REC114: variants seen among roughly 807,000 people sequenced by gnomAD.
REC114 encodes the protein meiotic recombination protein REC114.
REC114 carries 27 observed loss-of-function variants against 31.3 expected under a neutral mutation model. The ratio of observed to expected loss-of-function variants is 0.86; its 90% CI spans 0.64 to 1.19. The LOEUF (loss-of-function observed/expected upper bound fraction) is 1.19. Ranked by LOEUF, REC114 falls within the 50% of genes most tolerant of loss-of-function variation. The pLI, the probability that REC114 is intolerant of heterozygous loss-of-function variation, is 0.00. For synonymous variants in REC114, 134 were observed against 127.7 expected (o/e 1.05, Z -0.33); for missense variants, 344 against 326.9 (o/e 1.05, Z -0.40).
rs16957915 is a variant in REC114 at position 73,455,720 on chromosome 15, T to C, written c.159+12376T>C. On this transcript the variant is annotated intron_variant, in intron 1 of 5. Transcript: ENST00000331090. Reference sequence around the variant, plus strand: ...AGACACTGTCTAGAGATAAACACAATTCGGAAGCAAATAAACTTTGTAAAA... The same window carrying C: ...AGACACTGTCTAGAGATAAACACAACTCGGAAGCAAATAAACTTTGTAAAA... 9.0e-3 allele frequency among the ~76,000 whole-genome samples: 1,374 copies of C among 152,268 alleles called. 21 individuals carry two copies. The highest frequency in any genetic ancestry group is 0.031 in the African/African-American group (1,295 of 41,566).
chr15:73,555,712 T>C (rs565853640), intron 4 of REC114, among the ~76,000 whole-genome samples: 41 of 152,312 alleles, frequency 2.7e-4, no homozygotes, highest in African/African-American at 7.9e-4. Flanking sequence ...GTAGGAGGTA[T>C]AAACAGTTGT....
chr15:73,464,720 T>C (rs1893034326), intron 1 of REC114, among the ~76,000 whole-genome samples: 1 of 152,182 alleles, frequency 6.6e-6, no homozygotes, highest in Non-Finnish European at 1.5e-5. Context: ...GGTCCACCAA[T>C]TTCTAGGGAC....
At chr15:73,498,226 T>C (rs1170947497) in intron 2 of REC114, among the ~76,000 whole-genome samples, 1 of 152,028 alleles carries the variant, frequency 6.6e-6, no homozygotes, top group Non-Finnish European at 1.5e-5. Flanking sequence ...TGTACAGAAG[T>C]CCTTGATGTG....
At chr15:73,527,642 T>C (rs570462534) in intron 2 of REC114, among the ~76,000 whole-genome samples, 1 of 152,326 alleles carries the variant, frequency 6.6e-6, no homozygotes, top group Middle Eastern at 3.4e-3. Context: ...TTGTTTATAA[T>C]AGGAGTATAA....
At chr15:73,536,218 C>G (rs1360128931) in intron 2 of REC114, among the ~76,000 whole-genome samples, 1 of 152,176 alleles carries the variant, frequency 6.6e-6, no homozygotes, top group East Asian at 1.9e-4. Flanking sequence ...TTTCCTGTCC[C>G]ACCCAGTACT....
rs375901358 is a variant in REC114 at position 73,559,923 on chromosome 15, A to G, written c.*7A>G. 37 of 1,585,226 alleles carry G rather than the reference A, an allele frequency of 2.3e-5. No homozygotes were observed. In the African/African-American group the frequency reaches 4.0e-4, roughly 17 times the overall value. On this transcript the variant is annotated 3_prime_UTR_variant, in exon 6 of 6. Transcript: ENST00000331090. ...GGCGGGTTTGAGAAATTAATGCTCTATATACATATATAACTAAGGAACTTC... is the reference window on the plus strand; with the variant it reads ...GGCGGGTTTGAGAAATTAATGCTCTGTATACATATATAACTAAGGAACTTC...
At chr15:73,482,142 C>G (rs1893303652) in intron 2 of REC114, among the ~76,000 whole-genome samples, 1 of 152,120 alleles carries the variant, frequency 6.6e-6, no homozygotes, top group Admixed American at 6.5e-5. Flanking sequence ...CTTTCAGTTT[C>G]TATGAATTTG....
At chr15:73,517,960 T>G (rs993660609) in intron 2 of REC114, among the ~76,000 whole-genome samples, 9 of 152,038 alleles carry the variant, frequency 5.9e-5, no homozygotes, top group Non-Finnish European at 8.8e-5. Context: ...TAGGAAAGGG[T>G]GTGATCATAA....
At chr15:73,492,027 G>A (rs967536018) in intron 2 of REC114, among the ~76,000 whole-genome samples, 1 of 152,250 alleles carries the variant, frequency 6.6e-6, no homozygotes. Flanking sequence ...TCTTGTGTGT[G>A]TGCAGTGGCA....
intron 1 of REC114, 106 bp downstream of exon 1, chr15:73,443,450 C>A: frequency 7.7e-7 from 1 of 1,304,646 alleles, no homozygotes; most frequent in Non-Finnish European, 1.0e-6. Context: ...CGAGGGGACA[C>A]CGAGTGACTG....
At chr15:73,551,662 G>A (rs1418290285) in intron 4 of REC114, among the ~76,000 whole-genome samples, 2 of 152,136 alleles carry the variant, frequency 1.3e-5, no homozygotes, top group South Asian at 2.1e-4. Flanking sequence ...TCAAGGGAAC[G>A]CACCTGTGTG....
At chr15:73,478,282 A>G (rs1295044682) in intron 2 of REC114, among the ~76,000 whole-genome samples, 1 of 151,642 alleles carries the variant, frequency 6.6e-6, no homozygotes, top group Admixed American at 6.6e-5. Flanking sequence ...AAAAAAAAAA[A>G]AAAAAGAATT....
chr15:73,543,555 C>T, intron 3 of REC114, among the ~76,000 whole-genome samples: 1 of 152,118 alleles, frequency 6.6e-6, no homozygotes. Flanking sequence ...TCTCAAACTC[C>T]CGACCTCAGG....
chr15:73,542,888 T>C (rs1326139345), intron 3 of REC114, among the ~76,000 whole-genome samples: 1 of 152,114 alleles, frequency 6.6e-6, no homozygotes, highest in Non-Finnish European at 1.5e-5. Flanking sequence ...AAAAATGTTC[T>C]GATTTTCATA....
chr15:73,448,094 T>A (rs1892792265), intron 1 of REC114, among the ~76,000 whole-genome samples: 1 of 149,152 alleles, frequency 6.7e-6, no homozygotes, highest in African/African-American at 2.6e-5. Context: ...TGCAGGAGTT[T>A]GTTTGTTTTT....
chr15:73,483,328 G>T, intron 2 of REC114: 1 of 154,786 alleles, frequency 6.5e-6, no homozygotes, highest in South Asian at 1.8e-4. Context: ...TTCAGCTTTT[G>T]AGTCTCTTGG....
At chr15:73,462,024 C>T (rs1026402896) in intron 1 of REC114, among the ~76,000 whole-genome samples, 2 of 149,602 alleles carry the variant, frequency 1.3e-5, no homozygotes, top group Admixed American at 6.7e-5. Flanking sequence ...CTCTGCCGCC[C>T]GAGTTCAAGC....
At chr15:73,486,935 C>T (rs1893378968) in intron 2 of REC114, among the ~76,000 whole-genome samples, 1 of 152,006 alleles carries the variant, frequency 6.6e-6, no homozygotes, top group African/African-American at 2.4e-5. Flanking sequence ...ACAGGAGAAT[C>T]GCTTGAACCC....
chr15:73,488,864 C>T (rs182998134), intron 2 of REC114, among the ~76,000 whole-genome samples: 2 of 152,234 alleles, frequency 1.3e-5, no homozygotes, highest in Non-Finnish European at 2.9e-5. Flanking sequence ...CAGCCTGTAC[C>T]CATTACCCAG....
Sources: allele counts gnomAD v4.1 joint callset (sites outside exome capture counted in the v4.1 genomes callset), GRCh38; gene constraint gnomAD v4.1.1; transcripts MANE v1.5; gene names NCBI Gene and HGNC (gene_info 2026-07-23, HGNC 2026-07-21).